The following ZDHHC14 variants were observed in gnomAD, a reference collection of about 807,000 sequenced individuals.
ZDHHC14 encodes zDHHC palmitoyltransferase 14.
Under a neutral mutation model 47.7 loss-of-function variants are expected in ZDHHC14, and 16 were observed. The observed-to-expected ratio is 0.34, with a 90% CI of 0.23 to 0.51. ZDHHC14 has a LOEUF of 0.51. ZDHHC14 is among the 20% of genes least tolerant of loss of function. The pLI, the probability that ZDHHC14 is intolerant of heterozygous loss-of-function variation, is 0.97. For missense variants in ZDHHC14, 515 were observed against 662.5 expected (o/e 0.78, Z 2.44); for synonymous variants, 293 against 278.9 (o/e 1.05, Z -0.50).
intron 5 of ZDHHC14, among the ~76,000 whole-genome samples, chr6:157,636,385 A>G (rs931808101): frequency 2.0e-5 from 3 of 151,248 alleles, no homozygotes; most frequent in African/African-American, 7.3e-5. Flanking sequence ...CTGTATGTCT[A>G]TCAGTAAGTA....
intron 8 of ZDHHC14, 103 bp from the exon 9 acceptor site, chr6:157,672,621 C>G (rs959316272): frequency 2.2e-6 from 1 of 464,340 alleles, no homozygotes; most frequent in Non-Finnish European, 3.9e-6. Context: ...TCTCTCTTCT[C>G]GCACCCCACC....
intron 8 of ZDHHC14, among the ~76,000 whole-genome samples, chr6:157,659,776 C>T (rs1778264403): frequency 6.6e-6 from 1 of 152,240 alleles, no homozygotes; most frequent in Non-Finnish European, 1.5e-5. Context: ...TTCCTTTCTA[C>T]TTATTTCCTG....
Position 157,555,624 on chromosome 6 carries a change from G to A in ZDHHC14, c.406+12879G>A, listed in dbSNP as rs375512422. Among the ~76,000 whole-genome samples the A allele has an allele frequency of 1.7e-4, 26 of 152,324 alleles. No homozygotes were observed. The East Asian group carries it at 2.3e-3, about 14-fold the overall frequency. ...AGAATTCCAGCTGGAGGGCTAGCAC[G>A]CACAGTGCAACCCCTGATAGCTTCT... On this transcript the variant is annotated intron_variant, in intron 2 of 8. Coordinates refer to ENST00000359775, the MANE Select transcript of ZDHHC14 (RefSeq NM_024630.3).
At chr6:157,520,788 A>G (rs879682447) in intron 1 of ZDHHC14, among the ~76,000 whole-genome samples, 1 of 152,330 alleles carries the variant, frequency 6.6e-6, no homozygotes, top group South Asian at 2.1e-4. Context: ...TGGGCATAGA[A>G]TGCTGATAAA....
At chr6:157,636,400 T>C (rs1050282934) in intron 5 of ZDHHC14, among the ~76,000 whole-genome samples, 2 of 152,008 alleles carry the variant, frequency 1.3e-5, no homozygotes, top group Non-Finnish European at 2.9e-5. Context: ...TAAGTACAGA[T>C]GTAGACAGAC....
intron 2 of ZDHHC14, among the ~76,000 whole-genome samples, chr6:157,561,218 G>A (rs910893243): frequency 6.7e-6 from 1 of 148,656 alleles, no homozygotes; most frequent in Admixed American, 6.6e-5. Flanking sequence ...AATCTATCCC[G>A]TGTGTGGAAG....
chr6:157,635,894 T>C (rs775225788), intron 5 of ZDHHC14, among the ~76,000 whole-genome samples: 2 of 152,196 alleles, frequency 1.3e-5, no homozygotes, highest in African/African-American at 4.8e-5. Flanking sequence ...TAAAGAGTTT[T>C]CCCTATTGGC....
chr6:157,604,190 G>A (rs1231219114), intron 3 of ZDHHC14, among the ~76,000 whole-genome samples: 1 of 151,934 alleles, frequency 6.6e-6, no homozygotes, highest in African/African-American at 2.4e-5. Context: ...AGGAGGCTGA[G>A]GCAGGTGGAT....
At chr6:157,649,160 C>T (rs9355850) in intron 7 of ZDHHC14, among the ~76,000 whole-genome samples, 33,109 of 152,038 alleles carry the variant, frequency 0.22, 4,521 homozygotes, top group East Asian at 0.57. Context: ...GTGTTTGAAT[C>T]GTTTGTTAAA....
At chr6:157,602,662 G>C (rs920915988) in intron 3 of ZDHHC14, among the ~76,000 whole-genome samples, 1 of 152,064 alleles carries the variant, frequency 6.6e-6, no homozygotes, top group African/African-American at 2.4e-5. Flanking sequence ...GGGATGTTCA[G>C]GGCAGGCAGG....
chr6:157,642,062 A>T (rs540505092), intron 5 of ZDHHC14, among the ~76,000 whole-genome samples: 2 of 150,510 alleles, frequency 1.3e-5, no homozygotes, highest in African/African-American at 2.5e-5. Flanking sequence ...AGATAGATAG[A>T]TAGATAGTTA....
rs1778990872 is a variant in ZDHHC14 at position 157,677,653 on chromosome 6, T to C, written c.*4531T>C. On this transcript the variant is annotated 3_prime_UTR_variant, in exon 9 of 9. Transcript: ENST00000359775. ...AAAAGCAGACAAGCATCTTGTGCTATTGCAGAGACTTTTCTACCCAGGAAG... is the reference window on the plus strand; with the variant it reads ...AAAAGCAGACAAGCATCTTGTGCTACTGCAGAGACTTTTCTACCCAGGAAG... The C allele has an allele frequency of 6.6e-6, 1 of 152,020 alleles. No homozygotes were observed. Among genetic ancestry groups the C allele is most frequent in the Admixed American group, 6.6e-5 (1 of 15,166 alleles). 9.4% of individuals were successfully genotyped at this position (152,020 alleles called of 1,614,324 possible). A position where few individuals can be genotyped will look rare whatever the true frequency, so the allele number is the denominator to read the frequency against.
intron 1 of ZDHHC14, among the ~76,000 whole-genome samples, chr6:157,443,083 G>A (rs1583648624): frequency 1.3e-5 from 2 of 152,166 alleles, no homozygotes; most frequent in Admixed American, 6.5e-5. Flanking sequence ...GAGGGACCTC[G>A]TGGGAGGTGA....
intron 2 of ZDHHC14, among the ~76,000 whole-genome samples, chr6:157,570,845 A>C (rs1461777280): frequency 6.6e-6 from 1 of 152,024 alleles, no homozygotes. Flanking sequence ...ACACACATAC[A>C]TCTATATTGC....
At chr6:157,541,574 A>G (rs1203746320) in intron 1 of ZDHHC14, among the ~76,000 whole-genome samples, 1 of 152,128 alleles carries the variant, frequency 6.6e-6, no homozygotes, top group African/African-American at 2.4e-5. Context: ...ATTGTTTTCC[A>G]CGCCAGATGT....
intron 1 of ZDHHC14, among the ~76,000 whole-genome samples, chr6:157,494,407 A>G (rs1780005471): frequency 6.6e-6 from 1 of 152,112 alleles, no homozygotes; most frequent in Non-Finnish European, 1.5e-5. Context: ...AGACATCCAA[A>G]TGGCGGGATA....
chr6:157,591,123 A>G (rs1783891709), intron 2 of ZDHHC14, among the ~76,000 whole-genome samples: 1 of 152,236 alleles, frequency 6.6e-6, no homozygotes, highest in East Asian at 1.9e-4. Flanking sequence ...TTGATTTTAC[A>G]GGCTTATAGA....
intron 5 of ZDHHC14, among the ~76,000 whole-genome samples, chr6:157,634,759 GC>G (rs1776882659): frequency 6.6e-6 from 1 of 152,234 alleles, no homozygotes. Context: ...CTGTGCGTGT[GC>G]AGGAGGCCTG....
intron 5 of ZDHHC14, among the ~76,000 whole-genome samples, chr6:157,642,710 C>T (rs1018783368): frequency 2.0e-5 from 3 of 152,186 alleles, no homozygotes; most frequent in Non-Finnish European, 4.4e-5. Context: ...CCTCTCCTTT[C>T]TCTTTCTAAA....
Sources: allele counts gnomAD v4.1 joint callset (sites outside exome capture counted in the v4.1 genomes callset), GRCh38; gene constraint gnomAD v4.1.1; transcripts MANE v1.5; gene names NCBI Gene and HGNC (gene_info 2026-07-23, HGNC 2026-07-21).